The following MTF1 variants were observed in gnomAD, a reference collection of about 807,000 sequenced individuals.
MTF1 encodes MRE-binding transcription factor.
Under a neutral mutation model 70.4 loss-of-function variants are expected in MTF1, and 22 were observed. That is an observed-to-expected ratio of 0.31 (90% CI 0.22 to 0.45). MTF1 has a LOEUF of 0.45. Ranked by LOEUF, MTF1 falls within the 20% of genes least tolerant of loss-of-function variation. The pLI, the probability that MTF1 is intolerant of heterozygous loss-of-function variation, is 1.00. For synonymous variants in MTF1, 333 were observed against 352.8 expected, an observed-to-expected ratio of 0.94 and a Z score of 0.63; for missense variants, 649 against 922.0, an observed-to-expected ratio of 0.70 and a Z score of 3.83.
intron 4 of MTF1, 65 bp from the exon 5 acceptor site, chr1:37,835,809 T>C: frequency 7.2e-7 from 1 of 1,390,228 alleles, no homozygotes; most frequent in Non-Finnish European, 1.0e-6. Context: ...TGAACGTCTT[T>C]TTTTTTTTTG....
chr1:37,820,048 G>C (rs1323741662), intron 9 of MTF1, among the ~76,000 whole-genome samples: 1 of 149,464 alleles, frequency 6.7e-6, no homozygotes, highest in Non-Finnish European at 1.5e-5. Context: ...CAGCACCCCA[G>C]GACAGGGCCA....
intron 6 of MTF1, among the ~76,000 whole-genome samples, chr1:37,833,621 C>T (rs1011965668): frequency 2.6e-5 from 4 of 152,110 alleles, no homozygotes; most frequent in Admixed American, 1.3e-4. Context: ...CTCCTCCCCA[C>T]GTAGAGCTTA....
At position 37,859,578 on chromosome 1, in the gene MTF1, A is replaced by G. The variant is rs1227480227; in HGVS notation, c.-99T>C. 2.5e-6 allele frequency: 1 copy of G among 398,800 alleles called. No individual in the cohort carries two copies. Among genetic ancestry groups the G allele is most frequent in the Non-Finnish European group, 4.4e-6 (1 of 226,344 alleles). 24.7% of individuals were successfully genotyped at this position (398,800 alleles called of 1,614,324 possible). On this transcript the variant is annotated 5_prime_UTR_variant, in exon 1 of 11. Transcript: ENST00000373036. ...GGCAGCAGCAGCTTCTCCCCTCCCC[A>G]GCGGCACCATGATTGCCCCCACCTT...
At chr1:37,819,151 C>T (rs116250936) in intron 9 of MTF1, among the ~76,000 whole-genome samples, 50 of 152,318 alleles carry the variant, frequency 3.3e-4, no homozygotes, top group African/African-American at 1.2e-3. Context: ...TTCTCAGCCT[C>T]CATAAATGTA....
rs759828742 is a variant in MTF1, at chr1:37,840,192, A to C, written c.409-34T>G. The stretch of plus-strand genomic sequence containing the variant: ...GAAAAGATACCTCATCAACAGGACA[A>C]AAATGCTGCCCAGGGCTTAACTCCC... On this transcript the variant is annotated intron_variant, in intron 2 of 10. Transcript: ENST00000373036. This position sits in a 1 kb window ranked among gnomAD's most constrained non-coding sequence, Gnocchi z 4.5. The C allele has an allele frequency of 4.4e-6, 7 of 1,600,312 alleles. No individual in the cohort carries two copies. The highest frequency in any genetic ancestry group is 6.0e-6 in the Non-Finnish European group (7 of 1,168,220).
intron 7 of MTF1, among the ~76,000 whole-genome samples, chr1:37,829,717 G>A (rs1286825816): frequency 6.6e-6 from 1 of 151,900 alleles, no homozygotes; most frequent in Non-Finnish European, 1.5e-5. Flanking sequence ...CCCAGGAGGT[G>A]GAGCTTGTAG....
chr1:37,812,574 T>C lies in MTF1; in HGVS notation c.*2562A>G, dbSNP rs1640753184. ...CGATCTTTGAGAGTGAAAAGGCCACTGACCTGGGTAGGGCCCAACATGAGC... is the reference window on the plus strand; with the variant it reads ...CGATCTTTGAGAGTGAAAAGGCCACCGACCTGGGTAGGGCCCAACATGAGC... On this transcript the variant is annotated 3_prime_UTR_variant, in exon 11 of 11. Coordinates refer to ENST00000373036, the MANE Select transcript of MTF1 (RefSeq NM_005955.3). 6.6e-6 allele frequency: 1 copy of C among 152,214 alleles called. No individual in the cohort carries two copies. Among genetic ancestry groups the C allele is most frequent in the African/African-American group, 2.4e-5 (1 of 41,446 alleles). The allele number at this position is 152,214 out of a possible 1,614,324, so 9.4% of individuals were successfully genotyped here. A position where few individuals can be genotyped will look rare whatever the true frequency, so the allele number is the denominator to read the frequency against.
chr1:37,824,417 G>T (rs1260443481), intron 7 of MTF1, among the ~76,000 whole-genome samples: 1 of 152,228 alleles, frequency 6.6e-6, no homozygotes, highest in Non-Finnish European at 1.5e-5. Flanking sequence ...GAGATTACAG[G>T]CCAGGTGTGG....
At chr1:37,835,839 C>T in intron 4 of MTF1, 95 bp from the exon 5 acceptor site, 2 of 1,070,616 alleles carry the variant, frequency 1.9e-6, no homozygotes, top group Non-Finnish European at 2.8e-6. Flanking sequence ...CTCGCTCTGT[C>T]CCCAAGGCTG....
rs1640724637 is a variant in MTF1 at position 37,811,113 on chromosome 1, G to A, written c.*4023C>T. 6.6e-6 allele frequency: 1 copy of A among 152,660 alleles called. No homozygotes were observed. The highest frequency in any genetic ancestry group is 6.5e-5 in the Admixed American group (1 of 15,280). The allele number at this position is 152,660 out of a possible 1,614,324, so 9.5% of individuals were successfully genotyped here. On this transcript the variant is annotated 3_prime_UTR_variant, in exon 11 of 11. Transcript: ENST00000373036. ...CCAGGTTTCTACCTAGGAACAATCT[G>A]TTCCTTCCTTTCAGGCATCATTTTG...
rs1569840348 is a variant in MTF1, at chr1:37,815,424, A to G, written c.1974T>C (p.Pro658=). 1.9e-6 allele frequency: 3 copies of G among 1,613,154 alleles called. No individual in the cohort carries two copies. Among genetic ancestry groups the G allele is most frequent in the Non-Finnish European group, 8.5e-7 (1 of 1,179,546 alleles). Residue 658 remains proline (P), a synonymous_variant, in exon 11 of 11, where the codon CCT becomes CCC. Coordinates refer to ENST00000373036, the MANE Select transcript of MTF1 (RefSeq NM_005955.3). The surrounding 1 kb of genome is among the most constrained non-coding windows in gnomAD (Gnocchi z 4.5). ...CAGGAGCCTGGGGGCTCGGCTCTGG[A>G]GGGGGTGGGGAGGAGCAGCCCTTTC... is the stretch of plus-strand genomic sequence containing the variant. ...SRRKGCSSPP[P]PEPSPQAPDG...
At chr1:37,817,632 GCT>G in intron 9 of MTF1, 150 bp from the exon 10 acceptor site, 1 of 658,776 alleles carries the variant, frequency 1.5e-6, no homozygotes, top group Non-Finnish European at 2.7e-6. Context: ...TTTTGTTTGT[GCT>G]CTGACATGAG....
intron 8 of MTF1, 30 bp from the exon 9 acceptor site, chr1:37,822,746 TA>T (rs1182911917): frequency 1.3e-6 from 2 of 1,503,872 alleles, no homozygotes; most frequent in Non-Finnish European, 1.8e-6. Flanking sequence ...GAAATATATA[TA>T]CATATCCCAA....
rs771727896 is a variant in MTF1, at chr1:37,822,328, G to A, written c.1560C>T (p.Ala520=). ...AAVASAVAAP[A]PPQSTTEPLP... is the part of the protein sequence containing the mutation. Reference sequence around the variant, plus strand: ...GGGGCTCAGTAGTACTTTGTGGTGGGGCTGGTGCTGCCACAGCTGATGCCA... The same window carrying A: ...GGGGCTCAGTAGTACTTTGTGGTGGAGCTGGTGCTGCCACAGCTGATGCCA... The change falls in exon 9 of 11, where the codon GCC becomes GCT. Residue 520 remains alanine, a synonymous_variant. Coordinates refer to ENST00000373036, the MANE Select transcript of MTF1 (RefSeq NM_005955.3). The A allele has an allele frequency of 3.7e-6, 6 of 1,613,188 alleles. 1 individual carries two copies. In the Admixed American group the frequency reaches 5.0e-5, roughly 13 times the overall value.
At chr1:37,837,007 T>C (rs1178052252) in intron 4 of MTF1, among the ~76,000 whole-genome samples, 2 of 152,138 alleles carry the variant, frequency 1.3e-5, no homozygotes, top group Non-Finnish European at 2.9e-5. Context: ...ACAATCTAAC[T>C]ACTCTTGCCC....
At position 37,840,267 on chromosome 1, in the gene MTF1, T is replaced by A; in HGVS notation, c.409-109A>T. ...GATGCTGTGGACAATACAACTGGGTTTTCATCATAAACACAGAAAACAGCC... is the reference window on the plus strand; with the variant it reads ...GATGCTGTGGACAATACAACTGGGTATTCATCATAAACACAGAAAACAGCC... On this transcript the variant is annotated intron_variant, in intron 2 of 10. Transcript: ENST00000373036. The surrounding 1 kb of genome is among the most constrained non-coding windows in gnomAD (Gnocchi z 4.5). 4.0e-6 allele frequency: 4 copies of A among 989,056 alleles called. No homozygotes were observed. The highest frequency in any genetic ancestry group is 6.2e-6 in the Non-Finnish European group (4 of 648,438). The allele number at this position is 989,056 out of a possible 1,614,324, so 61.3% of individuals were successfully genotyped here. A position where few individuals can be genotyped will look rare whatever the true frequency, so the allele number is the denominator to read the frequency against.
At chr1:37,825,190 G>A (rs558322837) in intron 7 of MTF1, among the ~76,000 whole-genome samples, 98 of 152,284 alleles carry the variant, frequency 6.4e-4, no homozygotes, top group African/African-American at 2.2e-3. Flanking sequence ...ATGCTGCCAT[G>A]GGAATATGCA....
At chr1:37,842,025 C>T (rs1462083702) in intron 2 of MTF1, among the ~76,000 whole-genome samples, 1 of 151,336 alleles carries the variant, frequency 6.6e-6, no homozygotes, top group Non-Finnish European at 1.5e-5. Context: ...AGAACCAGAC[C>T]TGGCCTCAAA....
Position 37,814,937 on chromosome 1 carries a change from T to C in MTF1, c.*199A>G, listed in dbSNP as rs2148397177. The C allele has an allele frequency of 1.8e-6, 1 of 557,494 alleles. No individual in the cohort carries two copies. Among genetic ancestry groups the C allele is most frequent in the Non-Finnish European group, 3.1e-6 (1 of 319,136 alleles). 34.5% of individuals were successfully genotyped at this position (557,494 alleles called of 1,614,324 possible). A position where few individuals can be genotyped will look rare whatever the true frequency, so the allele number is the denominator to read the frequency against. ...AACTTAGCTTTTTTTGTTGTTTTTT[T>C]TGTTTTTTGTTTTTTTCCAAAGAAT... On this transcript the variant is annotated 3_prime_UTR_variant, in exon 11 of 11. Coordinates refer to ENST00000373036, the MANE Select transcript of MTF1 (RefSeq NM_005955.3).
Sources: gnomAD v4.1 joint callset for allele counts (sites outside exome capture counted in the v4.1 genomes callset) on GRCh38, gnomAD v4.1.1 for gene constraint, Gnocchi (gnomAD v3.1) non-coding constraint, MANE v1.5 for transcripts, NCBI Gene and HGNC (gene_info 2026-07-23, HGNC 2026-07-21) for gene names.